TMEM9B: variants seen among roughly 807,000 people sequenced by gnomAD.
TMEM9B encodes transmembrane protein 9B.
In TMEM9B, 8 loss-of-function variants were observed where a neutral mutation model predicts 23.5. The observed-to-expected ratio is 0.34, with a 90% confidence interval of 0.20 to 0.61. The LOEUF (loss-of-function observed/expected upper bound fraction) is 0.61, where lower values mean the gene tolerates loss of function less well. TMEM9B is among the 20% of genes least tolerant of loss of function. The probability of loss-of-function intolerance (pLI) is 0.78; values close to 1 mark genes in which losing one functional copy is unlikely to be tolerated. For synonymous variants in TMEM9B, 106 were observed against 96.3 expected (o/e 1.10, Z -0.59); for missense variants, 197 against 252.3 (o/e 0.78, Z 1.49).
chr11:8,950,119 G>T (rs1589943310), intron 4 of TMEM9B, among the ~76,000 whole-genome samples: 1 of 150,074 alleles, frequency 6.7e-6, no homozygotes, highest in Non-Finnish European at 1.5e-5. Context: ...TTTAAAAAAT[G>T]TAAGAAAAAA....
chr11:8,956,728 TG>T (rs1245134849), intron 2 of TMEM9B, among the ~76,000 whole-genome samples: 2 of 152,330 alleles, frequency 1.3e-5, no homozygotes, highest in African/African-American at 4.8e-5. Flanking sequence ...TTTTTGTTGT[TG>T]TTTTTTAAGA....
Position 8,948,207 on chromosome 11 carries a change from C to T in TMEM9B, c.*113G>A. ...TTTTTGCTTCCAGTTTTGAATCTTCCAGCAACAGTTGGTGAAATCAACAAG... is the reference window on the plus strand; with the variant it reads ...TTTTTGCTTCCAGTTTTGAATCTTCTAGCAACAGTTGGTGAAATCAACAAG... On this transcript the variant is annotated 3_prime_UTR_variant, in exon 5 of 5. Transcript: ENST00000534025. 1 of 1,342,646 alleles carries T rather than the reference C, an allele frequency of 7.4e-7. No homozygotes were observed. Among genetic ancestry groups the T allele is most frequent in the Non-Finnish European group, 1.0e-6 (1 of 993,414 alleles). The allele number at this position is 1,342,646 out of a possible 1,614,324, so 83.2% of individuals were successfully genotyped here. A position where few individuals can be genotyped will look rare whatever the true frequency, so the allele number is the denominator to read the frequency against.
chr11:8,956,396 C>A, intron 2 of TMEM9B, 98 bp from the exon 3 acceptor site: 3 of 838,556 alleles, frequency 3.6e-6, no homozygotes, highest in South Asian at 1.7e-5. Context: ...ACTAAACTTA[C>A]CCAATGAAAG....
At position 8,947,928 on chromosome 11, in the gene TMEM9B, C is replaced by A. The variant is rs180837410; in HGVS notation, c.*392G>T. ...TAACCACTTCCCAGGCATCCCTCCC[C>A]TCTCCCACCAAAACAAACAAACAAA... On this transcript the variant is annotated 3_prime_UTR_variant, in exon 5 of 5. Coordinates refer to ENST00000534025, the MANE Select transcript of TMEM9B (RefSeq NM_020644.3). 1.1e-3 allele frequency: 176 copies of A among 159,552 alleles called. No individual in the cohort carries two copies. Among genetic ancestry groups the A allele is most frequent in the Non-Finnish European group, 2.1e-3 (155 of 72,258 alleles). The allele number at this position is 159,552 out of a possible 1,614,324, so 9.9% of individuals were successfully genotyped here. A position where few individuals can be genotyped will look rare whatever the true frequency, so the allele number is the denominator to read the frequency against.
chr11:8,948,338 C>G lies in TMEM9B; in HGVS notation c.579G>C (p.Arg193=). Residue 193 remains arginine (R), a synonymous_variant, in exon 5 of 5, where the codon CGG becomes CGC. Coordinates refer to ENST00000534025, the MANE Select transcript of TMEM9B (RefSeq NM_020644.3). The stretch of plus-strand genomic sequence containing the variant: ...TTCCCAATTAGCTGAGGACAACATG[C>G]CGGTCAAAGACAGACTTTCGCTGCT... The part of the protein sequence containing the change: ...VQEQRKSVFD[R]HVVLS The G allele has an allele frequency of 6.2e-7, 1 of 1,613,884 alleles. No homozygotes were observed. The highest frequency in any genetic ancestry group is 8.5e-7 in the Non-Finnish European group (1 of 1,179,892).
intron 2 of TMEM9B, among the ~76,000 whole-genome samples, chr11:8,960,330 C>T (rs749177135): frequency 1.3e-5 from 2 of 151,862 alleles, no homozygotes; most frequent in Non-Finnish European, 2.9e-5. Context: ...TTAGTAGAGT[C>T]GGGGTTTCAC....
rs1295598177 is a variant in TMEM9B at position 8,947,385 on chromosome 11, G to C, written c.*935C>G. On this transcript the variant is annotated 3_prime_UTR_variant, in exon 5 of 5. Transcript: ENST00000534025. ...CCAATAATGGTTAGACCTTTCAGAAGAGGCACCCACAACCCCAGCCCTAGT... is the reference window on the plus strand; with the variant it reads ...CCAATAATGGTTAGACCTTTCAGAACAGGCACCCACAACCCCAGCCCTAGT... 3.3e-5 allele frequency: 5 copies of C among 152,598 alleles called. No individual in the cohort carries two copies. Among genetic ancestry groups the C allele is most frequent in the Admixed American group, 3.3e-4 (5 of 15,282 alleles). 9.5% of individuals were successfully genotyped at this position (152,598 alleles called of 1,614,324 possible). A position where few individuals can be genotyped will look rare whatever the true frequency, so the allele number is the denominator to read the frequency against.
At chr11:8,964,118 TG>T in intron 1 of TMEM9B, 90 bp downstream of exon 1, 1 of 1,289,208 alleles carries the variant, frequency 7.8e-7, no homozygotes, top group Non-Finnish European at 1.1e-6. Context: ...CTGTCAGGAA[TG>T]GGCCAAGGAG....
At chr11:8,952,261 C>T (rs1273283091) in intron 4 of TMEM9B, among the ~76,000 whole-genome samples, 1 of 74,248 alleles carries the variant, frequency 1.3e-5, no homozygotes, top group Non-Finnish European at 3.7e-5. Flanking sequence ...CACACACACA[C>T]ACACACACAC....
chr11:8,951,895 CA>C (rs1431944196), intron 4 of TMEM9B, among the ~76,000 whole-genome samples: 1 of 152,022 alleles, frequency 6.6e-6, no homozygotes, highest in Non-Finnish European at 1.5e-5. Context: ...CACTTGAGGT[CA>C]GGAGTTCAAG....
At chr11:8,956,406 G>T in intron 2 of TMEM9B, 108 bp from the exon 3 acceptor site, 1 of 734,250 alleles carries the variant, frequency 1.4e-6, no homozygotes, top group Non-Finnish European at 2.2e-6. Context: ...CCCAATGAAA[G>T]AGCATAAAAA....
chr11:8,952,409 G>T (rs1040358304), intron 4 of TMEM9B, among the ~76,000 whole-genome samples: 2 of 151,608 alleles, frequency 1.3e-5, no homozygotes, highest in Non-Finnish European at 2.9e-5. Flanking sequence ...AAAGATCTCA[G>T]ATTTTTTTTT....
At chr11:8,950,363 CCT>C (rs1187114168) in intron 4 of TMEM9B, among the ~76,000 whole-genome samples, 85 of 96,168 alleles carry the variant, frequency 8.8e-4, no homozygotes, top group African/African-American at 2.7e-3. Flanking sequence ...AATATCATCC[CCT>C]GAAGTCAAGG....
chr11:8,960,105 C>T (rs1854047490), intron 2 of TMEM9B, among the ~76,000 whole-genome samples: 1 of 150,556 alleles, frequency 6.6e-6, no homozygotes, highest in Non-Finnish European at 1.5e-5. Context: ...CCCAAGCAAG[C>T]CTTATTCTCA....
At chr11:8,960,974 C>T (rs557342176) in intron 2 of TMEM9B, among the ~76,000 whole-genome samples, 4 of 152,126 alleles carry the variant, frequency 2.6e-5, no homozygotes, top group South Asian at 2.1e-4. Context: ...CGTGAGCCAC[C>T]GTGCCCGGCC....
chr11:8,953,426 T>C (rs1158662865), intron 3 of TMEM9B, 89 bp from the exon 4 acceptor site: 3 of 1,319,848 alleles, frequency 2.3e-6, no homozygotes, highest in Non-Finnish European at 2.1e-6. Flanking sequence ...CTGACATATC[T>C]GCTAAGCCTA....
At chr11:8,955,214 G>A (rs917130244) in intron 3 of TMEM9B, among the ~76,000 whole-genome samples, 1 of 151,120 alleles carries the variant, frequency 6.6e-6, no homozygotes, top group Non-Finnish European at 1.5e-5. Flanking sequence ...GAACTCATTA[G>A]AAATACAAAT....
At chr11:8,960,609 A>G (rs772964308) in intron 2 of TMEM9B, among the ~76,000 whole-genome samples, 1 of 152,206 alleles carries the variant, frequency 6.6e-6, no homozygotes, top group Non-Finnish European at 1.5e-5. Flanking sequence ...TTCATTACTG[A>G]TAACAGAATA....
intron 4 of TMEM9B, 72 bp from the exon 5 acceptor site, chr11:8,948,547 A>G: frequency 1.3e-6 from 2 of 1,502,664 alleles, no homozygotes; most frequent in East Asian, 2.3e-5. Flanking sequence ...AACAGTGACC[A>G]GCCCGCCACA....
Sources: allele counts gnomAD v4.1 joint callset (sites outside exome capture counted in the v4.1 genomes callset), GRCh38; gene constraint gnomAD v4.1.1; transcripts MANE v1.5; gene names NCBI Gene and HGNC (gene_info 2026-07-23, HGNC 2026-07-21).